The following SRP19 variants were observed in gnomAD, a reference collection of about 807,000 sequenced individuals.
The protein encoded by SRP19 is signal recognition particle 19.
Under a neutral mutation model 22.4 loss-of-function variants are expected in SRP19, and 11 were observed. The observed-to-expected ratio is 0.49, with a 90% CI of 0.31 to 0.81. The LOEUF is 0.81. Among genes scored for constraint, SRP19 ranks in the 40% least tolerant of loss-of-function variants. The pLI is 0.05. For missense variants in SRP19, 168 were observed against 175.9 expected, an observed-to-expected ratio of 0.96 and a Z score of 0.25; for synonymous variants, 61 against 57.6, an observed-to-expected ratio of 1.06 and a Z score of -0.27.
chr5:112,869,507 A>C lies in SRP19; in HGVS notation c.*1970A>C, dbSNP rs1767708222. The C allele has an allele frequency of 6.6e-6, 1 of 152,382 alleles. No individual in the cohort carries two copies. Among genetic ancestry groups the C allele is most frequent in the African/African-American group, 2.4e-5 (1 of 41,462 alleles). 9.4% of individuals were successfully genotyped at this position (152,382 alleles called of 1,614,324 possible). A position where few individuals can be genotyped will look rare whatever the true frequency, so the allele number is the denominator to read the frequency against. On this transcript the variant is annotated 3_prime_UTR_variant, in exon 5 of 5. Coordinates refer to ENST00000505459, the MANE Select transcript of SRP19 (RefSeq NM_003135.3). ...CCTTATCCTTGGGGAATACATTCCA[A>C]GAGTGGATCCCTGAAACAGCAGATA... is the stretch of plus-strand genomic sequence containing the variant.
chr5:112,887,293 C>A lies in SRP19; in HGVS notation c.302-4310C>A, dbSNP rs1470870305. The A allele has an allele frequency of 1.3e-5, 14 of 1,045,294 alleles. 1 individual carries two copies. The Admixed American group carries it at 3.3e-4, about 24-fold the overall frequency. 64.8% of individuals were successfully genotyped at this position (1,045,294 alleles called of 1,614,324 possible). Reference sequence around the variant, plus strand: ...GGATGGGAGATGCCTCTGTTATTTTCCCCAAAGGCATTACCAGTGTTTTCT... The same window carrying A: ...GGATGGGAGATGCCTCTGTTATTTTACCCAAAGGCATTACCAGTGTTTTCT... On this transcript the variant is annotated intron_variant, in intron 4 of 4. Coordinates refer to the SRP19 transcript ENST00000391338.
chr5:112,873,062 A>G (rs558025617), downstream of SRP19, among the ~76,000 whole-genome samples: 9 of 147,648 alleles, frequency 6.1e-5, no homozygotes, highest in South Asian at 8.5e-4. Context: ...ATTCTGAAAT[A>G]TAACAGTTGT....
chr5:112,865,998 A>G (rs1408382626), intron 4 of SRP19, among the ~76,000 whole-genome samples: 1 of 152,214 alleles, frequency 6.6e-6, no homozygotes, highest in Non-Finnish European at 1.5e-5. Context: ...CTGAGATTAC[A>G]GGCGTTTGCC....
chr5:112,894,843 G>C (rs1424171925), downstream of SRP19: 1 of 152,152 alleles, frequency 6.6e-6, no homozygotes, highest in Non-Finnish European at 1.5e-5. Flanking sequence ...TTCCTACATA[G>C]AATATCTGAT....
chr5:112,863,221 ATTACTT>A (rs940326960), intron 2 of SRP19, among the ~76,000 whole-genome samples: 1 of 152,154 alleles, frequency 6.6e-6, no homozygotes, highest in Non-Finnish European at 1.5e-5. Flanking sequence ...AACACCATAG[ATTACTT>A]TTGCTGCTTT....
intron 4 of SRP19, among the ~76,000 whole-genome samples, chr5:112,888,685 C>G (rs1284967924): frequency 6.6e-6 from 1 of 150,878 alleles, no homozygotes; most frequent in Non-Finnish European, 1.5e-5. Context: ...TGAAATGTAA[C>G]CTTTGTGAAT....
At chr5:112,870,992 A>T (rs993324090), downstream of SRP19, among the ~76,000 whole-genome samples, 2 of 152,216 alleles carry the variant, frequency 1.3e-5, no homozygotes, top group African/African-American at 2.4e-5. Context: ...AGCTGGGATT[A>T]CAAGTGCCTG....
downstream of SRP19, among the ~76,000 whole-genome samples, chr5:112,871,882 T>A (rs557501192): frequency 2.4e-4 from 36 of 152,294 alleles, 1 homozygote; most frequent in South Asian, 7.5e-3. Flanking sequence ...AAAAAGGGAA[T>A]CTTAATGAGA....
intron 4 of SRP19, among the ~76,000 whole-genome samples, chr5:112,876,147 T>C (rs1767890135): frequency 6.6e-6 from 1 of 152,068 alleles, no homozygotes; most frequent in Non-Finnish European, 1.5e-5. Flanking sequence ...GTGGATTCGG[T>C]TTCCTTTAAA....
intron 4 of SRP19, among the ~76,000 whole-genome samples, chr5:112,886,185 CA>C (rs1394594209): frequency 1.3e-5 from 2 of 152,234 alleles, no homozygotes; most frequent in Non-Finnish European, 2.9e-5. Context: ...GCGCTTCATT[CA>C]AAACGTCACA....
chr5:112,888,717 A>G (rs574059298), intron 4 of SRP19, among the ~76,000 whole-genome samples: 1 of 151,028 alleles, frequency 6.6e-6, no homozygotes, highest in East Asian at 2.0e-4. Flanking sequence ...ACACATGCAC[A>G]AGAGTTTTTA....
At position 112,891,718 on chromosome 5, in the gene SRP19, G is replaced by A. The variant is rs200794918; in HGVS notation, c.*111G>A. The A allele has an allele frequency of 1.2e-3, 2,003 of 1,614,054 alleles. 5 individuals carry two copies. The highest frequency in any genetic ancestry group is 1.6e-3 in the Non-Finnish European group (1,903 of 1,179,992). On this transcript the variant is annotated 3_prime_UTR_variant, in exon 5 of 5. Transcript: ENST00000391338. ...ACCAAGCCACAAAAAGTACAGGGCC[G>A]CCCTGAAGAAGGAGAAACGAAAGAA...
chr5:112,862,166 C>T (rs1767423511), intron 1 of SRP19, among the ~76,000 whole-genome samples: 1 of 152,012 alleles, frequency 6.6e-6, no homozygotes, highest in African/African-American at 2.4e-5. Context: ...AGGGTGGGAG[C>T]CGGCTCCAGC....
intron 4 of SRP19, among the ~76,000 whole-genome samples, chr5:112,890,335 TA>T (rs1410215479): frequency 4.1e-5 from 6 of 147,570 alleles, no homozygotes; most frequent in Non-Finnish European, 7.4e-5. Flanking sequence ...TAGAAATTAG[TA>T]AGAATACAGA....
At position 112,878,730 on chromosome 5, in the gene SRP19, C is replaced by G. The variant is rs367570548; in HGVS notation, c.302-12873C>G. On this transcript the variant is annotated intron_variant, in intron 4 of 4. Transcript: ENST00000391338. ...AATTATACCACAGTCCCTAATATAA[C>G]ATCAAGCTCCAGTAGGAAGGTACAG... is the stretch of plus-strand genomic sequence containing the variant. The G allele has an allele frequency of 1.6e-4, 257 of 1,604,872 alleles. 1 individual carries two copies. The African/African-American group carries it at 2.8e-3, about 17-fold the overall frequency.
downstream of SRP19, among the ~76,000 whole-genome samples, chr5:112,873,495 C>T (rs529402032): frequency 1.1e-3 from 170 of 151,646 alleles, no homozygotes; most frequent in African/African-American, 4.0e-3. Context: ...TACAGGCATG[C>T]GGCATCAAGC....
At chr5:112,880,800 G>A (rs1025936410) in intron 4 of SRP19, among the ~76,000 whole-genome samples, 5 of 152,188 alleles carry the variant, frequency 3.3e-5, no homozygotes, top group African/African-American at 1.2e-4. Flanking sequence ...ATTAGGCTAA[G>A]GGAAGGGAGA....
intron 4 of SRP19, among the ~76,000 whole-genome samples, chr5:112,881,704 T>A (rs894165405): frequency 1.3e-5 from 2 of 152,190 alleles, no homozygotes; most frequent in Admixed American, 6.6e-5. Context: ...ACTCTTGGGC[T>A]ACTTTGCCTT....
exon 5 of SRP19, chr5:112,891,734 A>T: frequency 1.2e-6 from 2 of 1,614,166 alleles, no homozygotes. Context: ...AAGAAGGAGA[A>T]ACGAAAGAAA....
Sources: allele counts gnomAD v4.1 joint callset (sites outside exome capture counted in the v4.1 genomes callset), GRCh38; gene constraint gnomAD v4.1.1; transcripts MANE v1.5; gene names NCBI Gene and HGNC (gene_info 2026-07-23, HGNC 2026-07-21).